The following SCAF8 variants were observed in gnomAD, a reference collection of about 807,000 sequenced individuals.
SCAF8 encodes the protein SR-related CTD associated factor 8.
SCAF8 carries 23 observed loss-of-function variants against 140.5 expected under a neutral mutation model. The observed-to-expected ratio is 0.16, with a 90% CI of 0.12 to 0.23. SCAF8 has a LOEUF of 0.23. Ranked by LOEUF, SCAF8 falls within the 10% of genes least tolerant of loss-of-function variation. The probability of loss-of-function intolerance (pLI) is 1.00; values close to 1 mark genes in which losing one functional copy is unlikely to be tolerated. For synonymous variants in SCAF8, 575 were observed against 528.9 expected (o/e 1.09, Z -1.20); for missense variants, 1,397 against 1,555.7 (o/e 0.90, Z 1.72).
chr6:154,809,498 T>TA (rs1210573836), intron 11 of SCAF8, among the ~76,000 whole-genome samples: 2 of 152,208 alleles, frequency 1.3e-5, no homozygotes, highest in Non-Finnish European at 2.9e-5. Context: ...ATGCTGAAGA[T>TA]ATCTTCATTT....
chr6:154,771,694 A>G (rs954571624), intron 1 of SCAF8, among the ~76,000 whole-genome samples: 2 of 152,190 alleles, frequency 1.3e-5, no homozygotes, highest in Admixed American at 6.5e-5. Context: ...TTGGGTACTC[A>G]TGGACATAAA....
intron 1 of SCAF8, among the ~76,000 whole-genome samples, chr6:154,765,792 TGAA>T (rs1369355413): frequency 6.6e-6 from 1 of 152,172 alleles, no homozygotes; most frequent in Non-Finnish European, 1.5e-5. Context: ...AGGCATTCAT[TGAA>T]GAATTAGATG....
chr6:154,831,581 G>A (rs980076837), intron 19 of SCAF8, among the ~76,000 whole-genome samples: 4 of 151,612 alleles, frequency 2.6e-5, no homozygotes, highest in Admixed American at 2.6e-4. Flanking sequence ...TCCCACTGTT[G>A]GTACATTAAG....
intron 1 of SCAF8, among the ~76,000 whole-genome samples, chr6:154,764,816 G>C (rs930870916): frequency 6.6e-6 from 1 of 152,180 alleles, no homozygotes; most frequent in Admixed American, 6.5e-5. Context: ...GCGTTTTTCA[G>C]CGTAAAACCA....
intron 1 of SCAF8, among the ~76,000 whole-genome samples, chr6:154,766,001 A>G (rs1246494451): frequency 6.6e-6 from 1 of 152,152 alleles, no homozygotes; most frequent in Non-Finnish European, 1.5e-5. Flanking sequence ...AACCTTACCA[A>G]TAACATAAAC....
intron 1 of SCAF8, among the ~76,000 whole-genome samples, chr6:154,749,991 T>C (rs1243324219): frequency 6.6e-6 from 1 of 151,778 alleles, no homozygotes; most frequent in African/African-American, 2.4e-5. Context: ...AATAGGGAGC[T>C]GGATATGAGG....
In SCAF8 at chr6:154,818,574, T is replaced by C; in HGVS notation, c.1617T>C (p.Ile539=). The C allele has an allele frequency of 6.3e-7, 1 of 1,596,182 alleles. No homozygotes were observed. The highest frequency in any genetic ancestry group is 8.6e-7 in the Non-Finnish European group (1 of 1,167,902). ...LQKLSSGSYK[I]GSKVIKIAWA... is the part of the protein sequence containing the mutation. ...AACTCAGTTCTGGATCATATAAAAT[T>C]GGGTCCAAGGTCATTAAGGTGAGAT... Residue 539 remains isoleucine, a synonymous_variant, in exon 14 of 20, where the codon ATT becomes ATC. Coordinates refer to ENST00000367178, the MANE Select transcript of SCAF8 (RefSeq NM_014892.5).
chr6:154,766,525 C>T (rs1433380223), intron 1 of SCAF8, among the ~76,000 whole-genome samples: 1 of 152,144 alleles, frequency 6.6e-6, no homozygotes, highest in East Asian at 1.9e-4. Context: ...TCTGCTGCTT[C>T]CTGACCGTCT....
chr6:154,790,770 T>A (rs745924869), intron 4 of SCAF8, among the ~76,000 whole-genome samples: 38 of 151,982 alleles, frequency 2.5e-4, no homozygotes, highest in Non-Finnish European at 4.9e-4. Flanking sequence ...TTGGCCTCCC[T>A]AAGTGCTGGG....
rs1017803944 is a variant in SCAF8 at position 154,734,898 on chromosome 6, G to A, written c.30+968G>A. On this transcript the variant is annotated intron_variant, in intron 1 of 19. Coordinates refer to ENST00000367178, the MANE Select transcript of SCAF8 (RefSeq NM_014892.5). ...CCAGCACTTTGGGAGGCCGAGGCGG[G>A]CCAATCACGAGGTCAGGAGTTCAAG... Among the ~76,000 whole-genome samples, 8 of 152,192 alleles carry A rather than the reference G, an allele frequency of 5.3e-5. No homozygotes were observed. In the East Asian group the frequency reaches 7.7e-4, roughly 15 times the overall value.
upstream of SCAF8, chr6:154,733,406 C>T: frequency 7.2e-7 from 1 of 1,392,108 alleles, no homozygotes; most frequent in Non-Finnish European, 9.3e-7. Flanking sequence ...CGGCCCGACT[C>T]GAGTCCGCCA....
chr6:154,807,977 A>G (rs1777971199), intron 9 of SCAF8, 93 bp from the exon 10 acceptor site: 1 of 1,136,558 alleles, frequency 8.8e-7, no homozygotes, highest in Non-Finnish European at 1.2e-6. Context: ...TCATGTTTTT[A>G]AACATGTAAT....
At chr6:154,733,951 C>T (rs562570309) in intron 1 of SCAF8, 21 bp downstream of exon 1, 1 of 1,524,986 alleles carries the variant, frequency 6.6e-7, no homozygotes, top group Admixed American at 2.4e-5. Context: ...CAGCCGGGTT[C>T]CCCTGCTCCT....
intron 16 of SCAF8, 90 bp from the exon 17 acceptor site, chr6:154,824,144 C>A: frequency 1.5e-6 from 2 of 1,337,270 alleles, no homozygotes; most frequent in Non-Finnish European, 2.1e-6. Context: ...TGTTACCATC[C>A]TGAAAGAGAA....
chr6:154,739,588 A>C (rs891333654), intron 1 of SCAF8, among the ~76,000 whole-genome samples: 1 of 152,228 alleles, frequency 6.6e-6, no homozygotes, highest in Non-Finnish European at 1.5e-5. Flanking sequence ...ACCTTAGTTC[A>C]TAAATTGAGA....
rs1000886072 is a variant in SCAF8 at position 154,799,051 on chromosome 6, C to T, written c.607-2920C>T. On this transcript the variant is annotated intron_variant, in intron 6 of 19. Transcript: ENST00000367178. ...AGGCTGGAGTGAAATGGCGCTGTCT[C>T]GGCTCACTGCACCCTCCGCCTCCCG... Among the ~76,000 whole-genome samples the T allele has an allele frequency of 5.3e-5, 8 of 150,718 alleles. 1 individual carries two copies. The highest frequency in any genetic ancestry group is 7.4e-5 in the Non-Finnish European group (5 of 67,508).
At chr6:154,785,694 A>G (rs1419409273) in intron 3 of SCAF8, among the ~76,000 whole-genome samples, 2 of 147,192 alleles carry the variant, frequency 1.4e-5, no homozygotes, top group Non-Finnish European at 3.0e-5. Flanking sequence ...ATTAAGGTGT[A>G]TTTGTATATT....
chr6:154,829,871 C>T (rs1275968242), intron 18 of SCAF8, among the ~76,000 whole-genome samples: 1 of 152,206 alleles, frequency 6.6e-6, no homozygotes, highest in Admixed American at 6.5e-5. Flanking sequence ...CACGCTACTG[C>T]ACTCTAGCCT....
At chr6:154,755,173 CA>C (rs548079568) in intron 1 of SCAF8, among the ~76,000 whole-genome samples, 160 of 152,290 alleles carry the variant, frequency 1.1e-3, no homozygotes, top group African/African-American at 3.7e-3. Context: ...TGGTTTGTTG[CA>C]GTCAGTTTTT....
Sources: gnomAD v4.1 joint callset for allele counts (sites outside exome capture counted in the v4.1 genomes callset) on GRCh38, gnomAD v4.1.1 for gene constraint, MANE v1.5 for transcripts, NCBI Gene and HGNC (gene_info 2026-07-23, HGNC 2026-07-21) for gene names.